The following TEK variants were observed in gnomAD, a reference collection of about 807,000 sequenced individuals.
TEK encodes angiopoietin-1 receptor.
A neutral mutation model predicts 131.8 loss-of-function variants in TEK; 43 were observed. That is an observed-to-expected ratio of 0.33 (90% CI 0.26 to 0.42). The LOEUF (loss-of-function observed/expected upper bound fraction) is 0.42. Ranked by LOEUF, TEK falls within the 10% of genes least tolerant of loss-of-function variation. The pLI, the probability that TEK is intolerant of heterozygous loss-of-function variation, is 1.00. For synonymous variants in TEK, 580 were observed against 491.6 expected (o/e 1.18, Z -2.38); for missense variants, 1,162 against 1,384.4 (o/e 0.84, Z 2.55).
chr9:27,145,385 G>A (rs554967898), intron 1 of TEK, among the ~76,000 whole-genome samples: 13 of 152,330 alleles, frequency 8.5e-5, no homozygotes, highest in African/African-American at 2.9e-4. Context: ...AGGACACAAA[G>A]CCATGAGCCG....
chr9:27,179,540 T>C (rs1284315332), intron 6 of TEK, among the ~76,000 whole-genome samples: 2 of 152,190 alleles, frequency 1.3e-5, no homozygotes, highest in Admixed American at 1.3e-4. Context: ...TTATGGAGAC[T>C]CTGGAATATG....
intron 21 of TEK, among the ~76,000 whole-genome samples, chr9:27,222,756 ACATACCAAAAT>A (rs1467028094): frequency 6.6e-6 from 1 of 152,216 alleles, no homozygotes; most frequent in Non-Finnish European, 1.5e-5. Context: ...CACTGCAAGA[ACATACCAAAAT>A]CTAAAGACCA....
chr9:27,185,477 C>T lies in TEK; in HGVS notation c.1183-8C>T, dbSNP rs746469672. The T allele has an allele frequency of 3.1e-6, 5 of 1,613,446 alleles. No individual in the cohort carries two copies. The highest frequency in any genetic ancestry group is 2.2e-5 in the East Asian group (1 of 44,858). ...AAGTTTTTATTTTTTTGTATTTGAC[C>T]TTTTCAGCCAAAAGACTTTAACCAT... is the stretch of plus-strand genomic sequence containing the variant. On this transcript the variant is annotated splice_region_variant and splice_polypyrimidine_tract_variant and intron_variant, in intron 8 of 22. Transcript: ENST00000380036.
intron 3 of TEK, among the ~76,000 whole-genome samples, chr9:27,169,275 C>T (rs567362243): frequency 6.6e-6 from 1 of 152,338 alleles, no homozygotes; most frequent in South Asian, 2.1e-4. Context: ...CACAGACTAA[C>T]CTATCTGTTC....
intron 1 of TEK, among the ~76,000 whole-genome samples, chr9:27,120,468 A>C (rs540841831): frequency 6.6e-6 from 1 of 152,266 alleles, no homozygotes; most frequent in Non-Finnish European, 1.5e-5. Context: ...GCCAAGGCAT[A>C]TGTGCAGGTG....
intron 1 of TEK, among the ~76,000 whole-genome samples, chr9:27,113,989 A>G (rs1408935379): frequency 3.3e-5 from 5 of 152,036 alleles, no homozygotes; most frequent in African/African-American, 1.2e-4. Flanking sequence ...ATTCAACTCA[A>G]TTTGCCCAGG....
At position 27,140,568 on chromosome 9, in the gene TEK, T is replaced by C. The variant is rs148275634; in HGVS notation, c.53-17263T>C. The stretch of plus-strand genomic sequence containing the variant: ...TTGCACTGATCTTTGTAACCTCGAC[T>C]CCTATAGAATGTGTTGCTCCACTGG... On this transcript the variant is annotated intron_variant, in intron 1 of 22. Coordinates refer to ENST00000380036, the MANE Select transcript of TEK (RefSeq NM_000459.5). 1.2e-3 allele frequency among the ~76,000 whole-genome samples: 179 copies of C among 152,186 alleles called. 1 individual carries two copies. The highest frequency in any genetic ancestry group is 0.01 in the Middle Eastern group (3 of 292).
At chr9:27,148,853 T>C (rs1219741675) in intron 1 of TEK, among the ~76,000 whole-genome samples, 2 of 152,270 alleles carry the variant, frequency 1.3e-5, no homozygotes, top group Non-Finnish European at 2.9e-5. Context: ...ACGTTTTACA[T>C]GTAACAGTAT....
At chr9:27,151,005 G>A (rs977160425) in intron 1 of TEK, among the ~76,000 whole-genome samples, 4 of 152,170 alleles carry the variant, frequency 2.6e-5, no homozygotes, top group African/African-American at 9.7e-5. Context: ...GAGCACAGGA[G>A]TTTGTTGTTA....
chr9:27,189,137 G>A (rs374970305), intron 9 of TEK, among the ~76,000 whole-genome samples: 11 of 152,122 alleles, frequency 7.2e-5, no homozygotes, highest in African/African-American at 2.7e-4. Flanking sequence ...AACAAAACGA[G>A]TTATGCATTT....
At chr9:27,189,805 G>T (rs1345352651) in intron 9 of TEK, among the ~76,000 whole-genome samples, 1 of 152,106 alleles carries the variant, frequency 6.6e-6, no homozygotes, top group African/African-American at 2.4e-5. Context: ...ATGCATGTCT[G>T]ACTTCTGACT....
At chr9:27,135,136 A>T (rs1341468509) in intron 1 of TEK, among the ~76,000 whole-genome samples, 1 of 151,924 alleles carries the variant, frequency 6.6e-6, no homozygotes, top group Admixed American at 6.6e-5. Context: ...AGGCAGGAGA[A>T]TCGCTTGAAC....
At chr9:27,211,540 C>T (rs1370690423) in intron 16 of TEK, among the ~76,000 whole-genome samples, 2 of 147,140 alleles carry the variant, frequency 1.4e-5, no homozygotes, top group Non-Finnish European at 3.0e-5. Flanking sequence ...GCAACCTCCC[C>T]ATCCCTGGGC....
chr9:27,212,101 G>A (rs1318529926), intron 16 of TEK, among the ~76,000 whole-genome samples: 1 of 151,884 alleles, frequency 6.6e-6, no homozygotes, highest in East Asian at 1.9e-4. Flanking sequence ...TGAGTTTTCT[G>A]GTATCTTGAA....
chr9:27,123,470 C>G (rs946167199), intron 1 of TEK, among the ~76,000 whole-genome samples: 2 of 152,132 alleles, frequency 1.3e-5, no homozygotes, highest in African/African-American at 2.4e-5. Context: ...TATAAATACA[C>G]TGTAATGAGG....
At chr9:27,164,234 A>G (rs865927986) in intron 2 of TEK, among the ~76,000 whole-genome samples, 4 of 151,978 alleles carry the variant, frequency 2.6e-5, no homozygotes, top group African/African-American at 9.7e-5. Flanking sequence ...TACCTATCTC[A>G]TAGGGATATT....
At chr9:27,180,478 C>T in intron 7 of TEK, 110 bp downstream of exon 7, 1 of 1,478,874 alleles carries the variant, frequency 6.8e-7, no homozygotes, top group Non-Finnish European at 9.2e-7. Flanking sequence ...TCTTTTGTTT[C>T]CATCCAGAAG....
rs371165176 is a variant in TEK at position 27,137,615 on chromosome 9, T to A, written c.53-20216T>A. 2.6e-5 allele frequency among the ~76,000 whole-genome samples: 4 copies of A among 152,250 alleles called. No individual in the cohort carries two copies. In the East Asian group the frequency reaches 7.7e-4, roughly 29 times the overall value. On this transcript the variant is annotated intron_variant, in intron 1 of 22. Transcript: ENST00000380036. ...ATATTTCCTAATAAAAATCATTTTA[T>A]ATATATTTTTAAACTTACCTGAAAA...
At chr9:27,209,977 C>T (rs1271598346) in intron 16 of TEK, among the ~76,000 whole-genome samples, 4 of 152,166 alleles carry the variant, frequency 2.6e-5, no homozygotes, top group Non-Finnish European at 5.9e-5. Flanking sequence ...AGTTTGCTCC[C>T]ACAAAAAGCT....
Sources: gnomAD v4.1 joint callset for allele counts (sites outside exome capture counted in the v4.1 genomes callset) on GRCh38, gnomAD v4.1.1 for gene constraint, MANE v1.5 for transcripts, NCBI Gene and HGNC (gene_info 2026-07-23, HGNC 2026-07-21) for gene names.